The following YTHDF2 variants were observed in gnomAD, a reference collection of about 807,000 sequenced individuals.
YTHDF2 encodes the protein YTH domain-containing family protein 2.
In YTHDF2, 2 loss-of-function variants were observed where a neutral mutation model predicts 50.4. The ratio of observed to expected loss-of-function variants is 0.04; its 90% CI spans 0.02 to 0.12. The LOEUF is 0.12. Ranked by LOEUF, YTHDF2 falls within the 10% of genes least tolerant of loss-of-function variation. The pLI is 1.00. For synonymous variants in YTHDF2, 217 were observed against 255.6 expected, an observed-to-expected ratio of 0.85 and a Z score of 1.44; for missense variants, 483 against 722.6, an observed-to-expected ratio of 0.67 and a Z score of 3.80.
At chr1:28,741,244 C>T (rs543366681) in intron 3 of YTHDF2, among the ~76,000 whole-genome samples, 10 of 151,746 alleles carry the variant, frequency 6.6e-5, no homozygotes, top group East Asian at 1.9e-4. Flanking sequence ...GTGATTTGCC[C>T]GCCTCAGCCT....
chr1:28,739,716 A>C (rs1196335790), intron 3 of YTHDF2, among the ~76,000 whole-genome samples: 2 of 152,234 alleles, frequency 1.3e-5, no homozygotes, highest in South Asian at 4.1e-4. Context: ...ACTGTTTAGC[A>C]CAAATGAAGA....
chr1:28,742,640 T>A lies in YTHDF2; in HGVS notation c.370T>A (p.Phe124Ile). ...ATTTCTTGGTCAGCATGGTTTTAAT[T>A]TCTTTCCCAGTGGGATTGACTTCTC... ...TPFLGQHGFN[F>I]FPSGIDFSAW... Residue 124 changes from phenylalanine (F) to isoleucine (I), a missense_variant, in exon 4 of 5, where the codon TTC becomes ATC. By Grantham distance (21) the Phe-to-Ile change is conservative. Transcript: ENST00000373812. 1 of 1,614,142 alleles carries A rather than the reference T, an allele frequency of 6.2e-7. No individual in the cohort carries two copies. Among genetic ancestry groups the A allele is most frequent in the Non-Finnish European group, 8.5e-7 (1 of 1,180,016 alleles).
chr1:28,762,555 T>TA (rs2088152379), intron 4 of YTHDF2, among the ~76,000 whole-genome samples: 2 of 152,146 alleles, frequency 1.3e-5, no homozygotes, highest in African/African-American at 4.8e-5. Flanking sequence ...GAGATAAACA[T>TA]TTACCAGATT....
intron 4 of YTHDF2, among the ~76,000 whole-genome samples, chr1:28,764,313 C>T (rs1395030069): frequency 1.3e-5 from 2 of 150,928 alleles, no homozygotes; most frequent in South Asian, 2.1e-4. Flanking sequence ...GCTCTGTCAC[C>T]CAGGCTGGAG....
At chr1:28,747,349 A>G (rs2087879770) in intron 4 of YTHDF2, among the ~76,000 whole-genome samples, 2 of 151,594 alleles carry the variant, frequency 1.3e-5, no homozygotes, top group African/African-American at 4.8e-5. Flanking sequence ...AGGCGAGCAG[A>G]TCACGATGTC....
chr1:28,737,453 G>C, intron 1 of YTHDF2: 1 of 679,476 alleles, frequency 1.5e-6, no homozygotes, highest in Admixed American at 3.5e-5. Context: ...CGCCGGTGGC[G>C]CGTCTGCCGC....
At chr1:28,738,859 C>T (rs989580966) in intron 3 of YTHDF2, among the ~76,000 whole-genome samples, 9 of 152,204 alleles carry the variant, frequency 5.9e-5, no homozygotes, top group African/African-American at 2.2e-4. Context: ...CTGCAAATGT[C>T]CTAGGCCGTT....
At chr1:28,764,562 C>G (rs1205599445) in intron 4 of YTHDF2, among the ~76,000 whole-genome samples, 1 of 151,258 alleles carries the variant, frequency 6.6e-6, no homozygotes, top group African/African-American at 2.4e-5. Context: ...CGTGAGCCAT[C>G]GTGCCCGGCC....
chr1:28,754,230 AT>A (rs1466810260), intron 4 of YTHDF2, among the ~76,000 whole-genome samples: 1 of 152,220 alleles, frequency 6.6e-6, no homozygotes, highest in Non-Finnish European at 1.5e-5. Context: ...AAAGCAACTT[AT>A]CAAAACATCT....
intron 3 of YTHDF2, among the ~76,000 whole-genome samples, chr1:28,740,946 C>T (rs1461524068): frequency 2.6e-5 from 4 of 151,866 alleles, no homozygotes; most frequent in Non-Finnish European, 5.9e-5. Context: ...CCTCGTGATC[C>T]TCCCACCTTG....
intron 4 of YTHDF2, among the ~76,000 whole-genome samples, chr1:28,748,808 A>G (rs2087904491): frequency 6.6e-6 from 1 of 152,188 alleles, no homozygotes; most frequent in Non-Finnish European, 1.5e-5. Flanking sequence ...TCCCTATGAC[A>G]TCACTTTTGT....
intron 4 of YTHDF2, among the ~76,000 whole-genome samples, chr1:28,752,007 A>T (rs2087961467): frequency 6.6e-6 from 1 of 152,224 alleles, no homozygotes. Flanking sequence ...CATATTTCAG[A>T]TAAAGGAAGA....
chr1:28,745,321 G>A (rs141003338), intron 4 of YTHDF2, among the ~76,000 whole-genome samples: 56 of 152,308 alleles, frequency 3.7e-4, no homozygotes, highest in Middle Eastern at 6.8e-3. Context: ...ACACTTGTCA[G>A]TGACACTAAA....
intron 4 of YTHDF2, among the ~76,000 whole-genome samples, chr1:28,762,891 G>A (rs927186826): frequency 2.2e-4 from 34 of 152,092 alleles, no homozygotes; most frequent in African/African-American, 7.5e-4. Flanking sequence ...AGGCTGGAGT[G>A]CAGTGGCGCG....
At chr1:28,752,907 T>C (rs1403078013) in intron 4 of YTHDF2, among the ~76,000 whole-genome samples, 2 of 151,512 alleles carry the variant, frequency 1.3e-5, no homozygotes, top group African/African-American at 2.4e-5. Flanking sequence ...TTAACCAGAC[T>C]TGGTGGCGCA....
chr1:28,749,763 AG>A (rs68002506), intron 4 of YTHDF2, among the ~76,000 whole-genome samples: 70,286 of 151,580 alleles, frequency 0.46, 16,882 homozygotes, highest in East Asian at 0.77. Flanking sequence ...TAGAAAAAAA[AG>A]GTAGACTTAA....
intron 2 of YTHDF2, 123 bp from the exon 3 acceptor site, chr1:28,738,136 T>C (rs2087723289): frequency 4.1e-6 from 3 of 732,424 alleles, no homozygotes; most frequent in Non-Finnish European, 6.9e-6. Context: ...TCTTACCCTT[T>C]TGAAGTTCAA....
Position 28,758,145 on chromosome 1 carries a change from C to T in YTHDF2, c.1717-10784C>T, listed in dbSNP as rs1488951497. On this transcript the variant is annotated intron_variant, in intron 4 of 4. Transcript: ENST00000373812. ...AACTGGCCGGGTGTGGTGGTTTACA[C>T]CTGTAAACCACCTAGGATCACTTGA... is the stretch of plus-strand genomic sequence containing the variant. Among the ~76,000 whole-genome samples the T allele has an allele frequency of 5.3e-5, 8 of 152,160 alleles. No individual in the cohort carries two copies. In the Middle Eastern group the frequency reaches 0.01, roughly 194 times the overall value.
chr1:28,751,090 CAA>C (rs56916547), intron 4 of YTHDF2, among the ~76,000 whole-genome samples: 37 of 33,756 alleles, frequency 1.1e-3, no homozygotes, highest in African/African-American at 3.5e-3. Flanking sequence ...GAGACTGTCT[CAA>C]AAAAAAAAAA....
Sources: gnomAD v4.1 joint callset for allele counts (sites outside exome capture counted in the v4.1 genomes callset) on GRCh38, gnomAD v4.1.1 for gene constraint, MANE v1.5 for transcripts, NCBI Gene and HGNC (gene_info 2026-07-23, HGNC 2026-07-21) for gene names.